PAPSS2: variants seen among roughly 807,000 people sequenced by gnomAD.
The protein encoded by PAPSS2 is bifunctional 3'-phosphoadenosine 5'-phosphosulfate synthase 2.
A neutral mutation model predicts 66.5 loss-of-function variants in PAPSS2; 61 were observed. That is an observed-to-expected ratio of 0.92 (90% CI 0.75 to 1.14). The LOEUF (loss-of-function observed/expected upper bound fraction) is 1.14, where lower values mean the gene tolerates loss of function less well. PAPSS2 is among the 50% of genes most tolerant of loss of function. PAPSS2 has a pLI of 0.00. For synonymous variants in PAPSS2, 289 were observed against 287.5 expected, an observed-to-expected ratio of 1.01 and a Z score of -0.05; for missense variants, 708 against 789.6, an observed-to-expected ratio of 0.90 and a Z score of 1.24.
chr10:87,676,872 C>CAAAAAAAAAAAAAAAAAAAAAAAAAA (rs71019493), intron 1 of PAPSS2, among the ~76,000 whole-genome samples: 1 of 31,340 alleles, frequency 3.2e-5, no homozygotes, highest in Admixed American at 5.8e-4. Context: ...GACCCTGTCT[C>CAAAAAAAAAAAAAAAAAAAAAAAAAA]AAAAAAAAAA....
chr10:87,661,159 A>G (rs1430593656), intron 1 of PAPSS2: 1 of 396,096 alleles, frequency 2.5e-6, no homozygotes, highest in Non-Finnish European at 5.0e-6. Context: ...AAAACAAAAT[A>G]TAAAGCCAAG....
chr10:87,706,108 A>ATATATATATATATATGTGTGTGTG, intron 1 of PAPSS2, among the ~76,000 whole-genome samples: 20 of 51,988 alleles, frequency 3.8e-4, no homozygotes, highest in Non-Finnish European at 5.3e-4. Flanking sequence ...ATATATATAT[A>ATATATATATATATATGTGTGTGTG]TGTGTGTGTG....
intron 2 of PAPSS2, 31 bp from the exon 3 acceptor site, chr10:87,713,044 G>A (rs372592093): frequency 2.3e-5 from 27 of 1,199,608 alleles, no homozygotes; most frequent in Middle Eastern, 3.8e-4. Context: ...TATCCAGGCC[G>A]ATGTCAGTCT....
intron 1 of PAPSS2, among the ~76,000 whole-genome samples, chr10:87,689,659 C>A (rs1410061397): frequency 4.1e-5 from 5 of 122,522 alleles, no homozygotes; most frequent in Admixed American, 2.6e-4. Context: ...AAGAGCGAAA[C>A]CTTGTCTCAA....
At chr10:87,737,921 G>A (rs574329034) in intron 9 of PAPSS2, among the ~76,000 whole-genome samples, 12 of 152,042 alleles carry the variant, frequency 7.9e-5, no homozygotes, top group Non-Finnish European at 1.2e-4. Flanking sequence ...CTATGAATTC[G>A]ACTAGAATTC....
At chr10:87,744,096 C>G (rs7090432) in intron 11 of PAPSS2, among the ~76,000 whole-genome samples, 44,075 of 149,584 alleles carry the variant, frequency 0.29, 6,670 homozygotes, top group Middle Eastern at 0.31. Context: ...AGCGAGACTT[C>G]GTCTCAAAAA....
At chr10:87,729,236 C>CTTT (rs36029935) in intron 9 of PAPSS2, among the ~76,000 whole-genome samples, 1 of 47,862 alleles carries the variant, frequency 2.1e-5, no homozygotes, top group Admixed American at 2.4e-4. Context: ...CTTTTCTTTT[C>CTTT]TTTTTTTTTT....
At chr10:87,743,342 TGACCTTC>T in intron 10 of PAPSS2, 24 bp from the exon 11 acceptor site, 1 of 1,611,286 alleles carries the variant, frequency 6.2e-7, no homozygotes, top group Non-Finnish European at 8.5e-7. Context: ...TGTGTTTCTG[TGACCTTC>T]CTTCTTCTGC....
intron 1 of PAPSS2, among the ~76,000 whole-genome samples, chr10:87,678,927 G>C (rs1162230723): frequency 6.6e-6 from 1 of 152,092 alleles, no homozygotes; most frequent in Non-Finnish European, 1.5e-5. Flanking sequence ...TCCACTACGG[G>C]TATCTATTCA....
rs1564722088 is a variant in PAPSS2, at chr10:87,715,813, C to T, written c.835C>T (p.Gln279Ter). 10 of 1,610,538 alleles carry T rather than the reference C, an allele frequency of 6.2e-6. No individual in the cohort carries two copies. Among genetic ancestry groups the T allele is most frequent in the Non-Finnish European group, 8.5e-6 (10 of 1,176,826 alleles). Residue 279 changes from glutamine to a stop codon, truncating the protein, a stop_gained, in exon 7 of 13, where the codon CAG becomes TAG. Transcript: ENST00000456849. LOFTEE classifies it high-confidence loss of function. ...KGFMREKEYL[Q>*]VMHFDTLLDG... is the part of the protein sequence containing the mutation. ...TTTCATGCGGGAGAAGGAGTACTTA[C>T]AGGTTATGCACTTTGACACCCTGCT...
At position 87,701,364 on chromosome 10, in the gene PAPSS2, CTTTCTTTCTTTCTTTCTTTCTTTCTT is replaced by C. The variant is rs1853309348; in HGVS notation, c.28-7830_28-7805del. Among the ~76,000 whole-genome samples the C allele has an allele frequency of 7.0e-5, 7 of 99,702 alleles. No homozygotes were observed. The East Asian group carries it at 1.9e-3, about 27-fold the overall frequency. The allele number at this position is 99,702 out of a possible 152,430, so 65.4% of individuals were successfully genotyped here. ...TCTTTCTTTCTTTCTTTCTTTCTTT[CTTTCTTTCTTTCTTTCTTTCTTTCTT>C]TCTTTCTCTTTCTTTCTCTCTCTCT... On this transcript the variant is annotated intron_variant, in intron 1 of 12. Coordinates refer to ENST00000456849, the MANE Select transcript of PAPSS2 (RefSeq NM_001015880.2).
chr10:87,699,247 G>T (rs1408420942), intron 1 of PAPSS2, among the ~76,000 whole-genome samples: 3 of 151,788 alleles, frequency 2.0e-5, no homozygotes, highest in Non-Finnish European at 2.9e-5. Flanking sequence ...TATTTTAAAG[G>T]GATTCATTGC....
At position 87,709,184 on chromosome 10, in the gene PAPSS2, C is replaced by CTT. The variant is rs1853433666; in HGVS notation, c.28-11_28-10dup. The CTT allele has an allele frequency of 6.4e-7, 1 of 1,567,752 alleles. No homozygotes were observed. The highest frequency in any genetic ancestry group is 1.4e-5 in the African/African-American group (1 of 73,992). ...TAATTAATACTGTGCTTGGTTTTGT[C>CTT]TTATTTTATAGGAGAACCAGCAGAA... is the stretch of plus-strand genomic sequence containing the variant. On this transcript the variant is annotated splice_polypyrimidine_tract_variant and intron_variant, in intron 1 of 12. Transcript: ENST00000456849.
At chr10:87,716,577 A>T (rs545504093) in intron 7 of PAPSS2, among the ~76,000 whole-genome samples, 1 of 152,316 alleles carries the variant, frequency 6.6e-6, no homozygotes, top group South Asian at 2.1e-4. Context: ...AGTCACGCTG[A>T]ATTTGTAATG....
intron 1 of PAPSS2, among the ~76,000 whole-genome samples, chr10:87,666,961 C>T (rs1852823034): frequency 6.6e-6 from 1 of 152,154 alleles, no homozygotes; most frequent in Admixed American, 6.5e-5. Context: ...TCCCTCTTCC[C>T]CAAGCTCAGC....
At chr10:87,716,389 G>A (rs1853533085) in intron 7 of PAPSS2, among the ~76,000 whole-genome samples, 3 of 152,202 alleles carry the variant, frequency 2.0e-5, no homozygotes, top group South Asian at 2.1e-4. Flanking sequence ...TTCTGGCCAC[G>A]AGCTGAATGG....
rs1231888834 is a variant in PAPSS2, at chr10:87,746,386, TC to T, written c.*418del. The T allele has an allele frequency of 6.4e-6, 1 of 155,706 alleles. No individual in the cohort carries two copies. Among genetic ancestry groups the T allele is most frequent in the Non-Finnish European group, 1.4e-5 (1 of 71,216 alleles). 9.6% of individuals were successfully genotyped at this position (155,706 alleles called of 1,614,324 possible). A position where few individuals can be genotyped will look rare whatever the true frequency, so the allele number is the denominator to read the frequency against. On this transcript the variant is annotated 3_prime_UTR_variant, in exon 13 of 13. Coordinates refer to ENST00000456849, the MANE Select transcript of PAPSS2 (RefSeq NM_001015880.2). ...CAGTTGTAAAATATATCAGATTGTG[TC>T]CTCTTCTGTACAATTGACAAAAAAA...
At chr10:87,694,312 T>A (rs1300580711) in intron 1 of PAPSS2, among the ~76,000 whole-genome samples, 1 of 152,224 alleles carries the variant, frequency 6.6e-6, no homozygotes, top group Admixed American at 6.5e-5. Context: ...TGTGTGGGGT[T>A]GACAATGACA....
At chr10:87,725,845 G>A (rs986879486) in intron 8 of PAPSS2, among the ~76,000 whole-genome samples, 8 of 148,514 alleles carry the variant, frequency 5.4e-5, no homozygotes, top group Non-Finnish European at 1.0e-4. Context: ...ACAAGTGCAT[G>A]CCAACATGTC....
Sources: allele counts gnomAD v4.1 joint callset (sites outside exome capture counted in the v4.1 genomes callset), GRCh38; gene constraint gnomAD v4.1.1; transcripts MANE v1.5; gene names NCBI Gene and HGNC (gene_info 2026-07-23, HGNC 2026-07-21).